AGBL4: variants seen among roughly 807,000 people sequenced by gnomAD.
AGBL4 encodes cytosolic carboxypeptidase 6.
In AGBL4, 58 loss-of-function variants were observed where a neutral mutation model predicts 66.4. The observed-to-expected ratio is 0.87, with a 90% CI of 0.71 to 1.09. The LOEUF (loss-of-function observed/expected upper bound fraction) is 1.09. Ranked by LOEUF, AGBL4 falls within the 50% of genes least tolerant of loss-of-function variation. AGBL4 has a pLI of 0.00. For synonymous variants in AGBL4, 234 were observed against 222.9 expected (o/e 1.05, Z -0.44); for missense variants, 579 against 631.0 (o/e 0.92, Z 0.88).
At chr1:49,086,030 C>T (rs942722803) in intron 4 of AGBL4, among the ~76,000 whole-genome samples, 4 of 152,146 alleles carry the variant, frequency 2.6e-5, no homozygotes, top group Non-Finnish European at 5.9e-5. Flanking sequence ...CCTCCAGCCC[C>T]GTGGTCTCAT....
At chr1:49,168,517 A>G (rs186763749) in intron 4 of AGBL4, among the ~76,000 whole-genome samples, 2 of 152,298 alleles carry the variant, frequency 1.3e-5, no homozygotes, top group Non-Finnish European at 2.9e-5. Context: ...AGTTAGAGTG[A>G]GGCTTTTGAG....
intron 6 of AGBL4, among the ~76,000 whole-genome samples, chr1:48,735,469 G>T (rs980394096): frequency 2.0e-5 from 3 of 151,512 alleles, no homozygotes; most frequent in African/African-American, 7.3e-5. Flanking sequence ...GAGGAAGGAG[G>T]AAAGGAAGGA....
intron 3 of AGBL4, among the ~76,000 whole-genome samples, chr1:49,644,873 T>G (rs1037763888): frequency 4.0e-5 from 6 of 151,464 alleles, no homozygotes; most frequent in Non-Finnish European, 7.4e-5. Flanking sequence ...TACTGGACCA[T>G]AAAAGAAATT....
At chr1:49,982,055 T>C (rs1248771039) in intron 1 of AGBL4, among the ~76,000 whole-genome samples, 1 of 152,258 alleles carries the variant, frequency 6.6e-6, no homozygotes, top group Admixed American at 6.5e-5. Context: ...CTGTTTTGTG[T>C]CCACTACGGG....
At chr1:48,943,725 G>A (rs1042787478) in intron 5 of AGBL4, among the ~76,000 whole-genome samples, 1 of 152,082 alleles carries the variant, frequency 6.6e-6, no homozygotes, top group Non-Finnish European at 1.5e-5. Flanking sequence ...GAATGAAGAG[G>A]GGCACAATGG....
At chr1:48,793,218 T>G (rs1007495265) in intron 6 of AGBL4, among the ~76,000 whole-genome samples, 1 of 152,168 alleles carries the variant, frequency 6.6e-6, no homozygotes, top group African/African-American at 2.4e-5. Flanking sequence ...AATGCTTAAT[T>G]GTACTAGGGG....
intron 1 of AGBL4, among the ~76,000 whole-genome samples, chr1:49,859,665 T>C (rs559446128): frequency 8.5e-5 from 13 of 152,208 alleles, no homozygotes; most frequent in South Asian, 4.1e-4. Flanking sequence ...TTATATTTAA[T>C]TGTGAAAGAC....
At chr1:49,544,708 A>G (rs1266552217) in intron 3 of AGBL4, among the ~76,000 whole-genome samples, 1 of 152,240 alleles carries the variant, frequency 6.6e-6, no homozygotes, top group Non-Finnish European at 1.5e-5. Flanking sequence ...TACAGATTAG[A>G]AAACTGAGGT....
intron 4 of AGBL4, among the ~76,000 whole-genome samples, chr1:49,095,346 T>C (rs1168695039): frequency 2.0e-5 from 3 of 152,168 alleles, no homozygotes; most frequent in Non-Finnish European, 4.4e-5. Flanking sequence ...TTAAAGTTCA[T>C]ATGGAACCAA....
intron 6 of AGBL4, among the ~76,000 whole-genome samples, chr1:48,847,306 A>G (rs1646941860): frequency 6.6e-6 from 1 of 152,106 alleles, no homozygotes; most frequent in Non-Finnish European, 1.5e-5. Flanking sequence ...GTCTCAAAAC[A>G]AAAACAAAAA....
chr1:49,861,379 C>T (rs1646568302), intron 1 of AGBL4, among the ~76,000 whole-genome samples: 1 of 151,860 alleles, frequency 6.6e-6, no homozygotes, highest in Non-Finnish European at 1.5e-5. Context: ...CTTCCTTCTG[C>T]TTGAAAAGAG....
intron 9 of AGBL4, among the ~76,000 whole-genome samples, chr1:48,633,883 GTA>G (rs1290581120): frequency 6.6e-6 from 1 of 152,158 alleles, no homozygotes. Flanking sequence ...CTGAAAACAG[GTA>G]CCAACCCACC....
chr1:49,043,369 C>A (rs1050399752), intron 5 of AGBL4, among the ~76,000 whole-genome samples: 1 of 152,104 alleles, frequency 6.6e-6, no homozygotes. Flanking sequence ...TTATTTTTCT[C>A]ACCACTCTCT....
Position 48,549,191 on chromosome 1 carries a change from G to A in AGBL4, c.1268-9453C>T, listed in dbSNP as rs1644212563. On this transcript the variant is annotated intron_variant, in intron 11 of 13. Coordinates refer to ENST00000371839, the MANE Select transcript of AGBL4 (RefSeq NM_032785.4). ...GGCCAAGGAAAAGTGATTTCTCTTT[G>A]GTAAGGCTGACAGCACTGCTAGAAT... 2.6e-5 allele frequency among the ~76,000 whole-genome samples: 4 copies of A among 152,196 alleles called. No homozygotes were observed. The South Asian group carries it at 8.3e-4, about 32-fold the overall frequency.
chr1:49,460,645 C>A (rs1282965242), intron 3 of AGBL4, among the ~76,000 whole-genome samples: 1 of 151,534 alleles, frequency 6.6e-6, no homozygotes, highest in African/African-American at 2.4e-5. Context: ...CTATTTGTTG[C>A]CCAAATACCT....
At chr1:49,843,020 A>G (rs1646039780) in intron 2 of AGBL4, among the ~76,000 whole-genome samples, 1 of 152,148 alleles carries the variant, frequency 6.6e-6, no homozygotes, top group Admixed American at 6.5e-5. Context: ...GGTAGCAGAG[A>G]TATCCCAGCC....
intron 5 of AGBL4, among the ~76,000 whole-genome samples, chr1:48,992,198 A>G (rs1660651878): frequency 1.3e-5 from 2 of 151,500 alleles, no homozygotes; most frequent in African/African-American, 4.8e-5. Context: ...CCTTGTAGCC[A>G]TATCTGCATT....
At position 49,639,937 on chromosome 1, in the gene AGBL4, T is replaced by A. The variant is rs1462421077; in HGVS notation, c.282+57376A>T. Among the ~76,000 whole-genome samples the A allele has an allele frequency of 4.6e-5, 7 of 152,260 alleles. No individual in the cohort carries two copies. The East Asian group carries it at 1.4e-3, about 29-fold the overall frequency. Reference sequence around the variant, plus strand: ...ATATGAGCAAAGATATGGAAGTACTTACGTATGAAACACAGTATGAAAAGA... The same window carrying A: ...ATATGAGCAAAGATATGGAAGTACTAACGTATGAAACACAGTATGAAAAGA... On this transcript the variant is annotated intron_variant, in intron 3 of 13. Transcript: ENST00000371839.
chr1:49,141,142 T>A (rs1646109906), intron 4 of AGBL4, among the ~76,000 whole-genome samples: 1 of 152,176 alleles, frequency 6.6e-6, no homozygotes, highest in South Asian at 2.1e-4. Context: ...ATATTCAGTG[T>A]AACAAACATT....
Sources: gnomAD v4.1 joint callset for allele counts (sites outside exome capture counted in the v4.1 genomes callset) on GRCh38, gnomAD v4.1.1 for gene constraint, MANE v1.5 for transcripts, NCBI Gene and HGNC (gene_info 2026-07-23, HGNC 2026-07-21) for gene names.